Variants in FAM135B observed in about 807,000 individuals in gnomAD.
FAM135B encodes the protein protein FAM135B.
Under a neutral mutation model 127.7 loss-of-function variants are expected in FAM135B, and 43 were observed. That is an observed-to-expected ratio of 0.34 (90% CI 0.26 to 0.43). The LOEUF is 0.43. Among genes scored for constraint, FAM135B ranks in the 20% least tolerant of loss-of-function variants. FAM135B has a pLI of 1.00. For missense variants in FAM135B, 1,558 were observed against 1,725.6 expected, an observed-to-expected ratio of 0.90 and a Z score of 1.72; for synonymous variants, 670 against 665.1, an observed-to-expected ratio of 1.01 and a Z score of -0.11.
chr8:138,189,027 A>T (rs187135596), intron 9 of FAM135B, among the ~76,000 whole-genome samples: 288 of 152,284 alleles, frequency 1.9e-3, no homozygotes, highest in Admixed American at 8.4e-3. Flanking sequence ...TCCTGCTTGA[A>T]TGTTGCCTTA....
At position 138,256,883 on chromosome 8, in the gene FAM135B, T is replaced by C. The variant is rs867671168; in HGVS notation, c.298-124A>G. On this transcript the variant is annotated intron_variant, in intron 4 of 19. Transcript: ENST00000395297. ...GTCCAAAAATCAATGTCATTTATGC[T>C]GAAAGCAGAATTTCCATGCATGTTT... 4 of 729,560 alleles carry C rather than the reference T, an allele frequency of 5.5e-6. No individual in the cohort carries two copies. In the African/African-American group the frequency reaches 7.0e-5, roughly 13 times the overall value. 45.2% of individuals were successfully genotyped at this position (729,560 alleles called of 1,614,324 possible).
intron 1 of FAM135B, among the ~76,000 whole-genome samples, chr8:138,427,417 T>C (rs1834953738): frequency 6.6e-6 from 1 of 152,036 alleles, no homozygotes; most frequent in African/African-American, 2.4e-5. Context: ...TTCTCCAAAA[T>C]TTCTCATTTT....
intron 7 of FAM135B, among the ~76,000 whole-genome samples, chr8:138,223,429 C>A (rs1004447300): frequency 6.6e-6 from 1 of 152,148 alleles, no homozygotes; most frequent in Non-Finnish European, 1.5e-5. Context: ...GCCTCCTAAA[C>A]CAGCCAGGAG....
At chr8:138,265,413 G>A (rs1822838191) in intron 4 of FAM135B, among the ~76,000 whole-genome samples, 1 of 152,158 alleles carries the variant, frequency 6.6e-6, no homozygotes, top group East Asian at 1.9e-4. Context: ...TTGACAGAGG[G>A]CCTGAACAGA....
intron 12 of FAM135B, among the ~76,000 whole-genome samples, chr8:138,164,135 A>G (rs1445476488): frequency 6.6e-6 from 1 of 152,218 alleles, no homozygotes; most frequent in Non-Finnish European, 1.5e-5. Flanking sequence ...GGAAGAGAAA[A>G]TAGTTCTTTA....
intron 1 of FAM135B, among the ~76,000 whole-genome samples, chr8:138,449,472 G>C (rs990824677): frequency 2.0e-5 from 3 of 152,110 alleles, no homozygotes; most frequent in East Asian, 1.9e-4. Context: ...CGTGGGGAGG[G>C]GGGCAGTAGT....
chr8:138,382,914 G>A (rs1180958781), intron 1 of FAM135B, among the ~76,000 whole-genome samples: 1 of 152,176 alleles, frequency 6.6e-6, no homozygotes, highest in African/African-American at 2.4e-5. Flanking sequence ...GTTGCCCCAG[G>A]ATGATGGAGA....
intron 1 of FAM135B, among the ~76,000 whole-genome samples, chr8:138,396,773 C>T (rs1832877933): frequency 1.3e-5 from 2 of 152,194 alleles, no homozygotes; most frequent in East Asian, 1.9e-4. Context: ...ACTCCACTGG[C>T]CCCATCTCCC....
At chr8:138,202,920 G>C (rs1037178055) in intron 7 of FAM135B, among the ~76,000 whole-genome samples, 2 of 152,088 alleles carry the variant, frequency 1.3e-5, no homozygotes, top group Non-Finnish European at 2.9e-5. Flanking sequence ...GAATCAAATA[G>C]GCCTGTACCT....
rs1365084191 is a variant in FAM135B at position 138,242,507 on chromosome 8, C to G, written c.669+435G>C. Among the ~76,000 whole-genome samples, 2 of 152,160 alleles carry G rather than the reference C, an allele frequency of 1.3e-5. No homozygotes were observed. The highest frequency in any genetic ancestry group is 3.4e-3 in the Middle Eastern group (1 of 294). ...TATTACAACATTTGGGTACATATAA[C>G]ACTCCATGAGATTATTAGCTATTGG... On this transcript the variant is annotated intron_variant, in intron 7 of 19. Coordinates refer to ENST00000395297, the MANE Select transcript of FAM135B (RefSeq NM_015912.4). The surrounding 1 kb of genome is among the most constrained non-coding windows in gnomAD (Gnocchi z 9.6).
intron 7 of FAM135B, among the ~76,000 whole-genome samples, chr8:138,214,919 A>T: frequency 6.6e-6 from 1 of 152,222 alleles, no homozygotes; most frequent in Non-Finnish European, 1.5e-5. Context: ...CTGTCTGGAT[A>T]AGAAGGAATT....
chr8:138,227,347 G>A (rs1819537312), intron 7 of FAM135B, among the ~76,000 whole-genome samples: 1 of 152,184 alleles, frequency 6.6e-6, no homozygotes, highest in Non-Finnish European at 1.5e-5. Context: ...TGCAAATCAA[G>A]GGCAGCCCAC....
intron 1 of FAM135B, among the ~76,000 whole-genome samples, chr8:138,416,696 T>C (rs1000042411): frequency 6.6e-6 from 1 of 152,036 alleles, no homozygotes; most frequent in Non-Finnish European, 1.5e-5. Flanking sequence ...TTGAGCAAGA[T>C]GGCTGACTAG....
intron 7 of FAM135B, among the ~76,000 whole-genome samples, chr8:138,235,844 G>A (rs1041354063): frequency 6.6e-6 from 1 of 152,206 alleles, no homozygotes; most frequent in Non-Finnish European, 1.5e-5. Flanking sequence ...CAGCTTCAGA[G>A]TGGCAACCTT....
At chr8:138,250,794 A>T (rs2130481403) in intron 6 of FAM135B, 47 bp downstream of exon 6, 1 of 1,601,246 alleles carries the variant, frequency 6.2e-7, no homozygotes, top group Non-Finnish European at 8.5e-7. Flanking sequence ...CCACACCTGC[A>T]ATGGAAGGTG....
intron 12 of FAM135B, among the ~76,000 whole-genome samples, chr8:138,153,462 G>T (rs780960395): frequency 6.6e-6 from 1 of 152,068 alleles, no homozygotes; most frequent in Non-Finnish European, 1.5e-5. Flanking sequence ...TGCAGCCCAC[G>T]GAGTGTGAGA....
At chr8:138,426,968 T>C (rs1330744073) in intron 1 of FAM135B, among the ~76,000 whole-genome samples, 2 of 152,056 alleles carry the variant, frequency 1.3e-5, no homozygotes, top group Admixed American at 1.3e-4. Flanking sequence ...AATTATGATA[T>C]AATAGAATAA....
chr8:138,278,203 T>C (rs1823979478), intron 3 of FAM135B, among the ~76,000 whole-genome samples: 1 of 150,570 alleles, frequency 6.6e-6, no homozygotes, highest in African/African-American at 2.4e-5. Context: ...GCCGAGGATG[T>C]AGATCTAGGT....
At chr8:138,445,444 G>A (rs1448310140) in intron 1 of FAM135B, among the ~76,000 whole-genome samples, 3 of 152,168 alleles carry the variant, frequency 2.0e-5, no homozygotes, top group African/African-American at 7.2e-5. Flanking sequence ...ACATCAAAAA[G>A]CTTATCCACC....
Sources: gnomAD v4.1 joint callset for allele counts (sites outside exome capture counted in the v4.1 genomes callset) on GRCh38, gnomAD v4.1.1 for gene constraint, Gnocchi (gnomAD v3.1) non-coding constraint, MANE v1.5 for transcripts, NCBI Gene and HGNC (gene_info 2026-07-23, HGNC 2026-07-21) for gene names.